Variants in HSDL1 observed in about 807,000 individuals in gnomAD.
HSDL1 encodes inactive hydroxysteroid dehydrogenase-like protein 1.
HSDL1 carries 29 observed loss-of-function variants against 31.5 expected under a neutral mutation model. The observed-to-expected ratio is 0.92, with a 90% CI of 0.69 to 1.26. The LOEUF (loss-of-function observed/expected upper bound fraction) is 1.26, where lower values mean the gene tolerates loss of function less well. HSDL1 is among the 50% of genes most tolerant of loss of function. HSDL1 has a pLI of 0.00. For synonymous variants in HSDL1, 222 were observed against 155.2 expected, an observed-to-expected ratio of 1.43 and a Z score of -3.20; for missense variants, 503 against 416.6, an observed-to-expected ratio of 1.21 and a Z score of -1.81.
At chr16:84,126,398 G>A (rs569804274) in intron 5 of HSDL1, among the ~76,000 whole-genome samples, 1 of 152,164 alleles carries the variant, frequency 6.6e-6, no homozygotes, top group African/African-American at 2.4e-5. Flanking sequence ...AACAAATTTG[G>A]TCGTCACACT....
At chr16:84,136,267 AG>A (rs2086711490) in intron 1 of HSDL1, among the ~76,000 whole-genome samples, 1 of 152,214 alleles carries the variant, frequency 6.6e-6, no homozygotes, top group Non-Finnish European at 1.5e-5. Context: ...TGAGTGGGTC[AG>A]ATGCTTTAAG....
intron 1 of HSDL1, among the ~76,000 whole-genome samples, chr16:84,136,920 A>T (rs2086718375): frequency 6.6e-6 from 1 of 152,120 alleles, no homozygotes. Flanking sequence ...CATCCACAAA[A>T]CCCACAGAAG....
rs1308117801 is a variant in HSDL1, at chr16:84,139,546, C to G, written c.-68-3941G>C. ...TGACACCTTGACTTTAGCGCAGTCA[C>G]AATGACTTCAGATTCCCATCTCCAG... On this transcript the variant is annotated intron_variant, in intron 1 of 5. Coordinates refer to ENST00000219439, the MANE Select transcript of HSDL1 (RefSeq NM_031463.5). Among the ~76,000 whole-genome samples the G allele has an allele frequency of 1.3e-5, 2 of 152,182 alleles. 1 individual carries two copies. The highest frequency in any genetic ancestry group is 2.9e-5 in the Non-Finnish European group (2 of 68,048).
At position 84,124,984 on chromosome 16, in the gene HSDL1, C is replaced by T. The variant is rs139133909; in HGVS notation, c.895-256G>A. The T allele has an allele frequency of 5.2e-4, 91 of 176,458 alleles. 3 individuals carry two copies. In the Middle Eastern group the frequency reaches 7.6e-3, roughly 15 times the overall value. The allele number at this position is 176,458 out of a possible 1,614,324, so 10.9% of individuals were successfully genotyped here. On this transcript the variant is annotated intron_variant, in intron 5 of 5. Transcript: ENST00000219439. ...AAATACCCACCAATCACAATACACA[C>T]CAATCAAACAAATACCCACCAATCA...
At chr16:84,138,645 A>T (rs1276848030) in intron 1 of HSDL1, among the ~76,000 whole-genome samples, 1 of 152,248 alleles carries the variant, frequency 6.6e-6, no homozygotes, top group East Asian at 1.9e-4. Flanking sequence ...TAATTTAAAA[A>T]AATTTTTAAG....
intron 1 of HSDL1, among the ~76,000 whole-genome samples, chr16:84,142,214 C>T (rs2086775107): frequency 6.6e-6 from 1 of 152,100 alleles, no homozygotes; most frequent in Non-Finnish European, 1.5e-5. Context: ...AGGTGGGAGC[C>T]ACTGCACCTG....
At position 84,122,909 on chromosome 16, in the gene HSDL1, G is replaced by A. The variant is rs1326751053; in HGVS notation, c.*1721C>T. 1.3e-5 allele frequency: 2 copies of A among 152,134 alleles called. No homozygotes were observed. Among genetic ancestry groups the A allele is most frequent in the South Asian group, 2.1e-4 (1 of 4,830 alleles). The allele number at this position is 152,134 out of a possible 1,614,324, so 9.4% of individuals were successfully genotyped here. ...CCTATTCTCATCACGTAACACTGATGGATTCCATACCTAATTTATCAATCT... is the reference window on the plus strand; with the variant it reads ...CCTATTCTCATCACGTAACACTGATAGATTCCATACCTAATTTATCAATCT... On this transcript the variant is annotated 3_prime_UTR_variant, in exon 6 of 6. Transcript: ENST00000219439.
At chr16:84,129,338 C>A (rs1468513932) in intron 5 of HSDL1, among the ~76,000 whole-genome samples, 1 of 151,958 alleles carries the variant, frequency 6.6e-6, no homozygotes, top group Non-Finnish European at 1.5e-5. Flanking sequence ...TGAGATCGCA[C>A]CACTGCACTC....
chr16:84,142,026 C>G (rs2086773782), intron 1 of HSDL1, among the ~76,000 whole-genome samples: 1 of 152,178 alleles, frequency 6.6e-6, no homozygotes, highest in Non-Finnish European at 1.5e-5. Context: ...CTTCCGGGCT[C>G]AAGCCATCCT....
chr16:84,134,790 A>T (rs530524043), intron 2 of HSDL1, among the ~76,000 whole-genome samples: 11 of 152,368 alleles, frequency 7.2e-5, no homozygotes, highest in Non-Finnish European at 1.5e-4. Flanking sequence ...AATTACCTGT[A>T]TGTACCAGGA....
At chr16:84,132,985 A>G (rs1597376040) in intron 2 of HSDL1, among the ~76,000 whole-genome samples, 1 of 151,760 alleles carries the variant, frequency 6.6e-6, no homozygotes, top group East Asian at 1.9e-4. Context: ...AATAGAAAAA[A>G]AAAAAAAAGT....
rs142162541 is a variant in HSDL1 at position 84,130,095 on chromosome 16, T to C, written c.557A>G (p.His186Arg). The change falls in exon 4 of 6, where the codon CAT (histidine) becomes CGT (arginine). Residue 186 changes from histidine to arginine, a missense_variant. By Grantham distance (29) the His-to-Arg change is conservative. Transcript: ENST00000219439. ...VNIAAASLMV[H>R]VVLPGMVERK... ...CTCCACCATTCCCGGTAACACAACA[T>C]GGACCATCAAACTAGCGGCGGCAAT... The C allele has an allele frequency of 2.2e-4, 363 of 1,614,162 alleles. 4 individuals are homozygous for C. In the East Asian group the frequency reaches 4.5e-3, roughly 20 times the overall value.
rs149952752 is a variant in HSDL1 at position 84,130,052 on chromosome 16, G to A, written c.600C>T (p.Ile200=). The A allele has an allele frequency of 3.2e-5, 52 of 1,614,036 alleles. No homozygotes were observed. Among genetic ancestry groups the A allele is most frequent in the Non-Finnish European group, 4.2e-5 (49 of 1,180,044 alleles). Residue 200 remains isoleucine, a synonymous_variant, in exon 4 of 6, where the codon ATC becomes ATT. Transcript: ENST00000219439. ...AGCAGGAGCCAGAAGAGATCGTGAC[G>A]ATGGCACCTTTCTTTCTCTCCACCA... The part of the protein sequence containing the change: ...PGMVERKKGA[I]VTISSGSCCK...
intron 1 of HSDL1, among the ~76,000 whole-genome samples, chr16:84,136,596 T>G (rs1341094092): frequency 6.6e-6 from 1 of 152,174 alleles, no homozygotes; most frequent in Non-Finnish European, 1.5e-5. Context: ...ACCAGGGACC[T>G]CCCACTCAGG....
intron 1 of HSDL1, among the ~76,000 whole-genome samples, chr16:84,141,333 T>TC (rs1412856646): frequency 6.6e-6 from 1 of 150,844 alleles, no homozygotes; most frequent in African/African-American, 2.5e-5. Context: ...GATTCACAGG[T>TC]CCCCCTGCTG....
At position 84,127,716 on chromosome 16, in the gene HSDL1, AT is replaced by A. The variant is rs758790146; in HGVS notation, c.894+1831del. On this transcript the variant is annotated intron_variant, in intron 5 of 5. Coordinates refer to ENST00000219439, the MANE Select transcript of HSDL1 (RefSeq NM_031463.5). ...ACCAGGTACAGTGACTCACACTGGT[AT>A]TTTTTTTTTTTTTTTTTGTGAGACG... Among the ~76,000 whole-genome samples the A allele has an allele frequency of 2.8e-3, 346 of 124,692 alleles. 2 individuals carry two copies. The highest frequency in any genetic ancestry group is 3.9e-3 in the Non-Finnish European group (226 of 57,686). The allele number at this position is 124,692 out of a possible 152,430, so 81.8% of individuals were successfully genotyped here. A position where few individuals can be genotyped will look rare whatever the true frequency, so the allele number is the denominator to read the frequency against.
intron 2 of HSDL1, among the ~76,000 whole-genome samples, chr16:84,132,541 T>A (rs143704071): frequency 6.6e-6 from 1 of 152,340 alleles, no homozygotes; most frequent in Non-Finnish European, 1.5e-5. Context: ...CTGTTGAGTG[T>A]CCACATAGCA....
At chr16:84,137,855 G>C (rs2151190832) in intron 1 of HSDL1, among the ~76,000 whole-genome samples, 1 of 152,328 alleles carries the variant, frequency 6.6e-6, no homozygotes, top group Admixed American at 6.5e-5. Flanking sequence ...AGTCCACTTA[G>C]GCATATGTAG....
Position 84,144,629 on chromosome 16 carries a change from A to C in HSDL1, c.-69+451T>G, listed in dbSNP as rs115042594. Among the ~76,000 whole-genome samples the C allele has an allele frequency of 3.1e-3, 470 of 152,252 alleles. 2 individuals are homozygous for C. Among genetic ancestry groups the C allele is most frequent in the African/African-American group, 0.011 (453 of 41,552 alleles). On this transcript the variant is annotated intron_variant, in intron 1 of 5. Transcript: ENST00000219439. Reference sequence around the variant, plus strand: ...AAATCGTTCAGAAATGAGAATAAAGAAGCACCGACAAAGGAGGCGATTGCT... The same window carrying C: ...AAATCGTTCAGAAATGAGAATAAAGCAGCACCGACAAAGGAGGCGATTGCT...
Sources: allele counts gnomAD v4.1 joint callset (sites outside exome capture counted in the v4.1 genomes callset), GRCh38; gene constraint gnomAD v4.1.1; transcripts MANE v1.5; gene names NCBI Gene and HGNC (gene_info 2026-07-23, HGNC 2026-07-21).